Variants in NTRK1 observed in about 807,000 individuals in gnomAD.
The protein encoded by NTRK1 is high affinity nerve growth factor receptor.
NTRK1 carries 62 observed loss-of-function variants against 86.8 expected under a neutral mutation model. That is an observed-to-expected ratio of 0.71 (90% CI 0.58 to 0.88). The LOEUF is 0.88. Ranked by LOEUF, NTRK1 falls within the 40% of genes least tolerant of loss-of-function variation. The probability of loss-of-function intolerance (pLI) is 0.00; values close to 1 mark genes in which losing one functional copy is unlikely to be tolerated. For missense variants in NTRK1, 967 were observed against 1,078.4 expected, an observed-to-expected ratio of 0.90 and a Z score of 1.45; for synonymous variants, 469 against 456.6, an observed-to-expected ratio of 1.03 and a Z score of -0.35.
At chr1:156,844,420 G>T in intron 2 of NTRK1, 1 of 1,599,354 alleles carries the variant, frequency 6.3e-7, no homozygotes, top group Non-Finnish European at 8.5e-7. Flanking sequence ...GACCAGGTAG[G>T]GCTGTTCGGT....
intron 1 of NTRK1, among the ~76,000 whole-genome samples, chr1:156,823,858 G>A (rs1654252329): frequency 3.3e-5 from 5 of 152,172 alleles, no homozygotes; most frequent in South Asian, 2.1e-4. Flanking sequence ...TAACATCTAC[G>A]GGATGAATTA....
At chr1:156,836,562 T>TA (rs1249631020) in intron 1 of NTRK1, among the ~76,000 whole-genome samples, 1 of 152,152 alleles carries the variant, frequency 6.6e-6, no homozygotes, top group Admixed American at 6.5e-5. Context: ...TTTTTGGTCC[T>TA]GGAACTTCAG....
At chr1:156,872,615 A>G (rs1308318063) in intron 7 of NTRK1, among the ~76,000 whole-genome samples, 2 of 151,312 alleles carry the variant, frequency 1.3e-5, no homozygotes, top group African/African-American at 4.9e-5. Context: ...ACATATATTT[A>G]TGCATACATA....
intron 10 of NTRK1, 26 bp downstream of exon 10, chr1:156,874,652 C>A (rs1647782802): frequency 6.2e-7 from 1 of 1,607,912 alleles, no homozygotes; most frequent in South Asian, 1.1e-5. Context: ...GAAGCTTGTG[C>A]AGACTTTGGG....
At position 156,879,219 on chromosome 1, in the gene NTRK1, G is replaced by A. The variant is rs749869863; in HGVS notation, c.1903G>A (p.Ala635Thr). The A allele has an allele frequency of 9.9e-6, 16 of 1,614,060 alleles. No individual in the cohort carries two copies. Among genetic ancestry groups the A allele is most frequent in the Admixed American group, 3.3e-5 (2 of 60,018 alleles). ...GCTGCTGGCCGTGGCTAGCCAGGTC[G>A]CTGCGGGGATGGTGTACCTGGCGGG... is the stretch of plus-strand genomic sequence containing the variant. ...GQLLAVASQV[A>T]AGMVYLAGLH... is the part of the protein sequence containing the mutation. Residue 635 changes from alanine to threonine, a missense_variant, in exon 15 of 17, where the codon GCT becomes ACT. By Grantham distance (58) the Ala-to-Thr change is moderately conservative. Transcript: ENST00000524377.
At chr1:156,841,829 G>A (rs1654799003) in intron 1 of NTRK1, 10 of 1,613,924 alleles carry the variant, frequency 6.2e-6, no homozygotes, top group Non-Finnish European at 8.5e-6. Flanking sequence ...GGAGGTGTGG[G>A]GCATAAGAGC....
Position 156,861,051 on chromosome 1 carries a change from C to T in NTRK1, c.117C>T (p.Ala39=), listed in dbSNP as rs746293720. 1.2e-4 allele frequency: 183 copies of T among 1,560,850 alleles called. No homozygotes were observed. The highest frequency in any genetic ancestry group is 1.5e-4 in the Non-Finnish European group (173 of 1,157,974). ...ASAGAAPCPD[A]CCPHGSSGLR... is the part of the protein sequence containing the mutation. ...CGGGCGCCGCACCCTGCCCCGATGC[C>T]TGCTGCCCCCACGGCTCCTCGGGAC... Residue 39 remains alanine (A), a synonymous_variant, in exon 1 of 17, where the codon GCC becomes GCT. Coordinates refer to ENST00000524377, the MANE Select transcript of NTRK1 (RefSeq NM_002529.4).
intron 2 of NTRK1, chr1:156,842,261 C>T: frequency 6.2e-7 from 1 of 1,613,920 alleles, no homozygotes; most frequent in South Asian, 1.1e-5. Context: ...CTGTGGGAGC[C>T]CAGGGTTGTT....
intron 2 of NTRK1, chr1:156,853,948 G>C (rs1655321181): frequency 6.2e-7 from 1 of 1,613,412 alleles, no homozygotes; most frequent in East Asian, 2.2e-5. Context: ...AGAGGTGGCA[G>C]AGCTCCTGGT....
At chr1:156,851,203 T>G in intron 2 of NTRK1, 1 of 1,533,470 alleles carries the variant, frequency 6.5e-7, no homozygotes, top group Non-Finnish European at 9.0e-7. Flanking sequence ...CAAAATTGGT[T>G]CCAGAGCCCA....
intron 1 of NTRK1, among the ~76,000 whole-genome samples, chr1:156,832,792 G>C (rs369022819): frequency 2.6e-5 from 4 of 152,170 alleles, no homozygotes; most frequent in Non-Finnish European, 5.9e-5. Flanking sequence ...TTCATTTATG[G>C]TGCTCTTGTA....
In NTRK1 at chr1:156,851,311, C is replaced by T. The variant is rs772700964; in HGVS notation, c.50+9118C>T. On this transcript the variant is annotated intron_variant, in intron 2 of 16. Coordinates refer to the NTRK1 transcript ENST00000392302. ...TTACCCATCCACCATGGCGTCTCCC[C>T]GGATTAGTTTGAGGTTCTTGAAAAA... 10 of 1,614,116 alleles carry T rather than the reference C, an allele frequency of 6.2e-6. No individual in the cohort carries two copies. The highest frequency in any genetic ancestry group is 2.2e-5 in the East Asian group (1 of 44,888).
intron 2 of NTRK1, chr1:156,842,944 TCTTACCACATGA>T: frequency 7.4e-7 from 1 of 1,345,786 alleles, no homozygotes; most frequent in Admixed American, 1.8e-5. Flanking sequence ...ACCCTTTCTT[TCTTACCACATGA>T]CCTTTACACT....
At chr1:156,839,043 C>T (rs901257499) in intron 1 of NTRK1, among the ~76,000 whole-genome samples, 1 of 152,256 alleles carries the variant, frequency 6.6e-6, no homozygotes, top group African/African-American at 2.4e-5. Flanking sequence ...CAACTTTTTC[C>T]CTTAGCTGCG....
chr1:156,832,403 G>A (rs1414832686), intron 1 of NTRK1, among the ~76,000 whole-genome samples: 1 of 152,168 alleles, frequency 6.6e-6, no homozygotes, highest in African/African-American at 2.4e-5. Context: ...GGGAGAAGGG[G>A]TATAAGAAGG....
upstream of NTRK1, chr1:156,858,857 T>C (rs572255757): frequency 5.3e-6 from 3 of 565,826 alleles, no homozygotes; most frequent in African/African-American, 3.8e-5. Flanking sequence ...CAGCATGAGA[T>C]TGAGAGATGG....
At position 156,880,284 on chromosome 1, in the gene NTRK1, G is replaced by A. The variant is rs779460294; in HGVS notation, c.2205+127G>A. 1.3e-4 allele frequency: 130 copies of A among 974,264 alleles called. No individual in the cohort carries two copies. In the Middle Eastern group the frequency reaches 1.8e-3, roughly 13 times the overall value. The allele number at this position is 974,264 out of a possible 1,614,324, so 60.4% of individuals were successfully genotyped here. On this transcript the variant is annotated intron_variant, in intron 16 of 16. Transcript: ENST00000524377. ...AGCCTGTTGGGGGGCCCTTTCCAGC[G>A]CCGTGCCCACACTGTGTCCCCTCCA...
At chr1:156,816,429 ATCC>A (rs1415498428) in intron 1 of NTRK1, among the ~76,000 whole-genome samples, 2 of 152,126 alleles carry the variant, frequency 1.3e-5, no homozygotes, top group Non-Finnish European at 2.9e-5. Flanking sequence ...TTCTCCCTTC[ATCC>A]TCCTGCTCCC....
chr1:156,840,920 G>T, intron 1 of NTRK1: 1 of 1,614,106 alleles, frequency 6.2e-7, no homozygotes, highest in Non-Finnish European at 8.5e-7. Context: ...CTTGGAGTGG[G>T]TGAGGAGTCA....
Sources: gnomAD v4.1 joint callset for allele counts (sites outside exome capture counted in the v4.1 genomes callset) on GRCh38, gnomAD v4.1.1 for gene constraint, MANE v1.5 for transcripts, NCBI Gene and HGNC (gene_info 2026-07-23, HGNC 2026-07-21) for gene names.